RANBP3: variants seen among roughly 807,000 people sequenced by gnomAD.
RANBP3 encodes the protein ran-binding protein 3.
In RANBP3, 14 loss-of-function variants were observed where a neutral mutation model predicts 77.3. That is an observed-to-expected ratio of 0.18 (90% CI 0.12 to 0.28). The LOEUF (loss-of-function observed/expected upper bound fraction) is 0.28. Ranked by LOEUF, RANBP3 falls within the 10% of genes least tolerant of loss-of-function variation. The pLI, the probability that RANBP3 is intolerant of heterozygous loss-of-function variation, is 1.00. For missense variants in RANBP3, 586 were observed against 752.3 expected (o/e 0.78, Z 2.59); for synonymous variants, 315 against 312.4 (o/e 1.01, Z -0.09).
At chr19:5,971,470 C>A (rs891394137) in intron 1 of RANBP3, among the ~76,000 whole-genome samples, 5 of 152,094 alleles carry the variant, frequency 3.3e-5, no homozygotes, top group Admixed American at 2.6e-4. Context: ...GGCCTGAATT[C>A]TCTTATCTGC....
intron 7 of RANBP3, among the ~76,000 whole-genome samples, chr19:5,932,100 T>C (rs533472740): frequency 1.4e-4 from 21 of 152,252 alleles, no homozygotes; most frequent in African/African-American, 3.9e-4. Flanking sequence ...CCTGTGAAAA[T>C]TGAGGCTGAA....
At chr19:5,962,785 C>T (rs1397405327) in intron 1 of RANBP3, 17 of 455,676 alleles carry the variant, frequency 3.7e-5, no homozygotes, top group Middle Eastern at 3.2e-4. Flanking sequence ...CAAATCAGCA[C>T]GGCTATCGCA....
chr19:5,953,122 C>A (rs531004399), intron 2 of RANBP3, among the ~76,000 whole-genome samples: 1 of 152,276 alleles, frequency 6.6e-6, no homozygotes, highest in South Asian at 2.1e-4. Flanking sequence ...ACCAAGACAT[C>A]AAAACAGGAT....
In RANBP3 at chr19:5,959,042, T is replaced by C. The variant is rs1317726807; in HGVS notation, c.23-1069A>G. Reference sequence around the variant, plus strand: ...ATGATCACGACGAAGGCACTCTGCTTGGGCATTGACCTGGTCTGCTCTGGA... The same window carrying C: ...ATGATCACGACGAAGGCACTCTGCTCGGGCATTGACCTGGTCTGCTCTGGA... On this transcript the variant is annotated intron_variant, in intron 1 of 16. Coordinates refer to ENST00000340578, the MANE Select transcript of RANBP3 (RefSeq NM_007322.3). This position sits in a 1 kb window ranked among gnomAD's most constrained non-coding sequence, Gnocchi z 5.1. 6.6e-6 allele frequency among the ~76,000 whole-genome samples: 1 copy of C among 152,168 alleles called. No homozygotes were observed. The highest frequency in any genetic ancestry group is 1.5e-5 in the Non-Finnish European group (1 of 68,028).
In RANBP3 at chr19:5,951,579, T is replaced by C. The variant is rs2058276643; in HGVS notation, c.96A>G (p.Lys32=). The C allele has an allele frequency of 4.3e-6, 7 of 1,613,682 alleles. No individual in the cohort carries two copies. The highest frequency in any genetic ancestry group is 5.9e-6 in the Non-Finnish European group (7 of 1,179,904). ...DKGQKSPAEQ[K]NLSDSGEEPR... ...GCTCCTCTCCCGAATCCGACAAGTT[T>C]TTTTGCTCTGCAGGGGACTGGGAGC... Residue 32 remains lysine (K), a synonymous_variant, in exon 3 of 17, where the codon AAA becomes AAG. Coordinates refer to ENST00000340578, the MANE Select transcript of RANBP3 (RefSeq NM_007322.3).
At chr19:5,928,353 G>A in intron 8 of RANBP3, 1 of 292,906 alleles carries the variant, frequency 3.4e-6, no homozygotes, top group East Asian at 5.9e-5. Flanking sequence ...CCCTGCAGAA[G>A]CCTTAGTGCC....
intron 1 of RANBP3, among the ~76,000 whole-genome samples, chr19:5,977,693 C>T (rs1200255914): frequency 6.6e-6 from 1 of 152,178 alleles, no homozygotes; most frequent in East Asian, 1.9e-4. Flanking sequence ...TGGCGCGCTC[C>T]GGGCCACAAC....
chr19:5,927,920 C>G, intron 9 of RANBP3, 48 bp downstream of exon 9: 2 of 1,568,268 alleles, frequency 1.3e-6, no homozygotes, highest in Non-Finnish European at 1.7e-6. Flanking sequence ...GCTGTTGAAC[C>G]TGGGGAAGGC....
intron 3 of RANBP3, 74 bp downstream of exon 3, chr19:5,951,319 A>G: frequency 7.4e-7 from 1 of 1,348,528 alleles, no homozygotes; most frequent in Non-Finnish European, 1.0e-6. Flanking sequence ...GATCTGAGGG[A>G]CCCGAAGGGA....
chr19:5,954,825 G>C (rs1023409296), intron 2 of RANBP3, among the ~76,000 whole-genome samples: 9 of 152,152 alleles, frequency 5.9e-5, no homozygotes, highest in Non-Finnish European at 1.0e-4. Flanking sequence ...GAAAGCCAAG[G>C]AGAAACAAAG....
At chr19:5,949,549 C>A (rs1185077057) in intron 3 of RANBP3, among the ~76,000 whole-genome samples, 1 of 152,200 alleles carries the variant, frequency 6.6e-6, no homozygotes, top group Non-Finnish European at 1.5e-5. Flanking sequence ...GCATGTTATG[C>A]ACATGGCCAC....
In RANBP3 at chr19:5,921,214, T is replaced by C; in HGVS notation, c.1317A>G (p.Leu439=). 1 of 1,612,320 alleles carries C rather than the reference T, an allele frequency of 6.2e-7. No individual in the cohort carries two copies. The highest frequency in any genetic ancestry group is 1.3e-5 in the African/African-American group (1 of 75,024). Residue 439 remains leucine (L), a synonymous_variant, in exon 14 of 17, where the codon CTA becomes CTG. Transcript: ENST00000340578. This position sits in a 1 kb window ranked among gnomAD's most constrained non-coding sequence, Gnocchi z 5.3. ...NDMASTDDGT[L]QSRLVMRTQG... is the part of the protein sequence containing the mutation. ...TCGGCAGCTCACCTAGTCGGGACTG[T>C]AGTGTGCCGTCATCGGTGGACGCCA...
Position 5,951,373 on chromosome 19 carries a change from C to G in RANBP3, c.282+20G>C. ...GGGCTCCCCCTGGGCGGTAGGAGTGCCGGGTAGGTGTGGACTTACCCCTGC... is the reference window on the plus strand; with the variant it reads ...GGGCTCCCCCTGGGCGGTAGGAGTGGCGGGTAGGTGTGGACTTACCCCTGC... On this transcript the variant is annotated intron_variant, in intron 3 of 16. Transcript: ENST00000340578. The G allele has an allele frequency of 6.5e-7, 1 of 1,546,662 alleles. No homozygotes were observed. The highest frequency in any genetic ancestry group is 8.7e-7 in the Non-Finnish European group (1 of 1,143,794).
intron 5 of RANBP3, among the ~76,000 whole-genome samples, chr19:5,937,766 C>T (rs1331952276): frequency 1.7e-4 from 3 of 17,486 alleles, no homozygotes; most frequent in Non-Finnish European, 1.8e-4. Flanking sequence ...GAAACAGCTG[C>T]CCTGCTCGAG....
chr19:5,924,458 G>A lies in RANBP3; in HGVS notation c.996+369C>T, dbSNP rs1282826342. On this transcript the variant is annotated intron_variant, in intron 11 of 16. Coordinates refer to ENST00000340578, the MANE Select transcript of RANBP3 (RefSeq NM_007322.3). This position sits in a 1 kb window ranked among gnomAD's most constrained non-coding sequence, Gnocchi z 4.7. ...TATGCTCACAGGAGCAGGGAGGCCA[G>A]CAACCCTGTCCACCAGCACGGCTGG... 1.3e-5 allele frequency among the ~76,000 whole-genome samples: 2 copies of A among 152,264 alleles called. No homozygotes were observed. Among genetic ancestry groups the A allele is most frequent in the Admixed American group, 6.5e-5 (1 of 15,292 alleles).
At chr19:5,973,612 C>A (rs972559959) in intron 1 of RANBP3, among the ~76,000 whole-genome samples, 94 of 152,212 alleles carry the variant, frequency 6.2e-4, no homozygotes, top group African/African-American at 2.2e-3. Flanking sequence ...GACCCAGAGC[C>A]CAGGCCCTGC....
intron 7 of RANBP3, 104 bp downstream of exon 7, chr19:5,932,348 G>T: frequency 1.2e-6 from 1 of 826,432 alleles, no homozygotes. Flanking sequence ...TATTTCTGGT[G>T]CATTCAGCAG....
intron 2 of RANBP3, 32 bp downstream of exon 2, chr19:5,957,886 C>G: frequency 6.2e-7 from 1 of 1,610,304 alleles, no homozygotes; most frequent in Non-Finnish European, 8.5e-7. Flanking sequence ...ATTAGAGTAA[C>G]GAAGTGAAGA....
At chr19:5,937,490 G>A (rs2058082128) in intron 5 of RANBP3, among the ~76,000 whole-genome samples, 1 of 152,188 alleles carries the variant, frequency 6.6e-6, no homozygotes, top group Admixed American at 6.5e-5. Context: ...TAAAAGTGGA[G>A]GTATGTGTGG....
Sources: gnomAD v4.1 joint callset for allele counts (sites outside exome capture counted in the v4.1 genomes callset) on GRCh38, gnomAD v4.1.1 for gene constraint, Gnocchi (gnomAD v3.1) non-coding constraint, MANE v1.5 for transcripts, NCBI Gene and HGNC (gene_info 2026-07-23, HGNC 2026-07-21) for gene names.